Variants in PLXNA4 observed in about 807,000 individuals in gnomAD.
The protein encoded by PLXNA4 is plexin-A4.
In PLXNA4, 44 loss-of-function variants were observed where a neutral mutation model predicts 191.8. That is an observed-to-expected ratio of 0.23 (90% CI 0.18 to 0.29). The LOEUF (loss-of-function observed/expected upper bound fraction) is 0.29, where lower values mean the gene tolerates loss of function less well. PLXNA4 is among the 10% of genes least tolerant of loss of function. The pLI is 1.00. For synonymous variants in PLXNA4, 1,082 were observed against 1,009.5 expected, an observed-to-expected ratio of 1.07 and a Z score of -1.36; for missense variants, 1,800 against 2,488.8, an observed-to-expected ratio of 0.72 and a Z score of 5.89.
chr7:132,161,244 C>G (rs1381842386), intron 24 of PLXNA4, among the ~76,000 whole-genome samples: 1 of 152,250 alleles, frequency 6.6e-6, no homozygotes, highest in Non-Finnish European at 1.5e-5. Flanking sequence ...GCCACCTAAA[C>G]GTAATCCCCT....
At chr7:132,144,930 A>T (rs2116560767) in intron 29 of PLXNA4, among the ~76,000 whole-genome samples, 189 bp downstream of exon 29, 1 of 152,346 alleles carries the variant, frequency 6.6e-6, no homozygotes, top group South Asian at 2.1e-4. Context: ...GAAGTAAGAG[A>T]GGGAGTGAGC....
intron 24 of PLXNA4, among the ~76,000 whole-genome samples, chr7:132,162,834 A>C (rs1019886078): frequency 6.6e-6 from 1 of 151,986 alleles, no homozygotes; most frequent in African/African-American, 2.4e-5. Context: ...GGATAGGTGG[A>C]TCATGGTCAC....
intron 10 of PLXNA4, among the ~76,000 whole-genome samples, chr7:132,208,761 G>T (rs1252446725): frequency 6.6e-6 from 1 of 152,164 alleles, no homozygotes; most frequent in Middle Eastern, 3.2e-3. Context: ...GCACACTGGA[G>T]CCCAGCCGTT....
At position 132,417,645 on chromosome 7, in the gene PLXNA4, GGGAGAGAGAGAA is replaced by G. The variant is rs542123780; in HGVS notation, c.1371+71635_1371+71646del. 9.5e-3 allele frequency among the ~76,000 whole-genome samples: 1,440 copies of G among 151,516 alleles called. 15 individuals are homozygous for G. Among genetic ancestry groups the G allele is most frequent in the Middle Eastern group, 0.038 (11 of 292 alleles). ...TGAATGAATGTATATATGTGTGTGA[GGGAGAGAGAGAA>G]GGAGAGAGAGAAAAAGACTGAAAAG... On this transcript the variant is annotated intron_variant, in intron 3 of 31. Coordinates refer to ENST00000321063, the MANE Select transcript of PLXNA4 (RefSeq NM_020911.2).
intron 3 of PLXNA4, among the ~76,000 whole-genome samples, chr7:132,437,655 C>G (rs1045501760): frequency 2.0e-5 from 3 of 152,070 alleles, no homozygotes; most frequent in African/African-American, 7.2e-5. Flanking sequence ...TCATTGGCCT[C>G]TTCAGCCTCT....
chr7:132,405,672 G>T (rs1430026574), intron 3 of PLXNA4, among the ~76,000 whole-genome samples: 1 of 152,186 alleles, frequency 6.6e-6, no homozygotes, highest in Non-Finnish European at 1.5e-5. Context: ...CACTTGCAGA[G>T]CCAGGTGGTA....
chr7:132,207,246 C>T (rs1797654960), intron 10 of PLXNA4, among the ~76,000 whole-genome samples: 1 of 152,230 alleles, frequency 6.6e-6, no homozygotes, highest in Admixed American at 6.5e-5. Flanking sequence ...AAGTTCTCTT[C>T]CTATTGCTTC....
At chr7:132,578,363 G>A (rs1053817210), upstream of PLXNA4, among the ~76,000 whole-genome samples, 1 of 152,188 alleles carries the variant, frequency 6.6e-6, no homozygotes, top group African/African-American at 2.4e-5. Flanking sequence ...AGGAGCCCAT[G>A]GCTCTTGGCC....
At chr7:132,277,774 A>G in intron 4 of PLXNA4, among the ~76,000 whole-genome samples, 1 of 152,096 alleles carries the variant, frequency 6.6e-6, no homozygotes, top group East Asian at 1.9e-4. Flanking sequence ...GAGAAACCAC[A>G]CTGTTTTCTA....
chr7:132,196,851 G>A (rs773699042), intron 13 of PLXNA4, among the ~76,000 whole-genome samples: 17 of 152,010 alleles, frequency 1.1e-4, no homozygotes, highest in Non-Finnish European at 1.8e-4. Context: ...TTTATTTTTC[G>A]TATGACTTTC....
At chr7:132,481,817 G>T (rs112011725) in intron 3 of PLXNA4, among the ~76,000 whole-genome samples, 11 of 152,128 alleles carry the variant, frequency 7.2e-5, no homozygotes, top group Non-Finnish European at 1.2e-4. Context: ...CCAGATGAAC[G>T]GAGCACCTGG....
At chr7:132,274,766 CTTTTTTTTTT>C (rs3057256) in intron 4 of PLXNA4, among the ~76,000 whole-genome samples, 1 of 106,206 alleles carries the variant, frequency 9.4e-6, no homozygotes, top group Non-Finnish European at 1.8e-5. Context: ...TCAGTGCATC[CTTTTTTTTTT>C]TTTTTTTTTT....
rs989082457 is a variant in PLXNA4 at position 132,234,388 on chromosome 7, T to C, written c.1605-5919A>G. Among the ~76,000 whole-genome samples the C allele has an allele frequency of 6.6e-5, 10 of 152,132 alleles. No homozygotes were observed. The East Asian group carries it at 1.9e-3, about 29-fold the overall frequency. ...TCCTATGTGGCCCAGTGCAGCATGA[T>C]TGAATGAAGTGTGTGAATGCTGGAA... is the stretch of plus-strand genomic sequence containing the variant. On this transcript the variant is annotated intron_variant, in intron 5 of 31. Coordinates refer to ENST00000321063, the MANE Select transcript of PLXNA4 (RefSeq NM_020911.2).
At chr7:132,411,165 T>C (rs1374377787) in intron 3 of PLXNA4, among the ~76,000 whole-genome samples, 1 of 152,230 alleles carries the variant, frequency 6.6e-6, no homozygotes, top group Admixed American at 6.5e-5. Context: ...TAACTTCTAA[T>C]TAATGAGTTG....
At chr7:132,407,121 G>A (rs574142127) in intron 3 of PLXNA4, among the ~76,000 whole-genome samples, 39 of 152,242 alleles carry the variant, frequency 2.6e-4, no homozygotes, top group Admixed American at 1.8e-3. Flanking sequence ...AGATATTGAC[G>A]CTCTCATTTA....
chr7:132,429,691 C>T (rs569911946), intron 3 of PLXNA4, among the ~76,000 whole-genome samples: 5 of 152,158 alleles, frequency 3.3e-5, no homozygotes, highest in African/African-American at 7.2e-5. Context: ...TGGAGTTTGC[C>T]GACTGTTGCT....
At chr7:132,636,989 C>G (rs1296713550) in intron 2 of PLXNA4, among the ~76,000 whole-genome samples, 1 of 152,148 alleles carries the variant, frequency 6.6e-6, no homozygotes, top group African/African-American at 2.4e-5. Context: ...GAAGCTATTG[C>G]CTCAAGTCTT....
chr7:132,536,769 C>G (rs554846803), intron 1 of PLXNA4, among the ~76,000 whole-genome samples: 1 of 152,344 alleles, frequency 6.6e-6, no homozygotes, highest in African/African-American at 2.4e-5. Flanking sequence ...TACACCACCC[C>G]TAAGCGAGGA....
At chr7:132,514,619 A>C (rs757591579) in intron 1 of PLXNA4, among the ~76,000 whole-genome samples, 2 of 152,156 alleles carry the variant, frequency 1.3e-5, no homozygotes, top group African/African-American at 4.8e-5. Context: ...AAGGTCATGA[A>C]TAGAACAAAA....
Sources: gnomAD v4.1 joint callset for allele counts (sites outside exome capture counted in the v4.1 genomes callset) on GRCh38, gnomAD v4.1.1 for gene constraint, MANE v1.5 for transcripts, NCBI Gene and HGNC (gene_info 2026-07-23, HGNC 2026-07-21) for gene names.